Variants in CDCA7L observed in about 807,000 individuals in gnomAD.
The protein encoded by CDCA7L is cell division cycle-associated 7-like protein.
CDCA7L carries 44 observed loss-of-function variants against 57.4 expected under a neutral mutation model. The ratio of observed to expected loss-of-function variants is 0.77; its 90% CI spans 0.60 to 0.98. CDCA7L has a LOEUF of 0.98. Ranked by LOEUF, CDCA7L falls within the 50% of genes least tolerant of loss-of-function variation. The pLI, the probability that CDCA7L is intolerant of heterozygous loss-of-function variation, is 0.00. For missense variants in CDCA7L, 644 were observed against 580.6 expected, an observed-to-expected ratio of 1.11 and a Z score of -1.12; for synonymous variants, 236 against 202.8, an observed-to-expected ratio of 1.16 and a Z score of -1.39.
rs1184006268 is a variant in CDCA7L, at chr7:21,901,562, C to T, written c.*760G>A. ...CCCTCCTGGGCAACAGAACAAGACT[C>T]CATCTCAAAAAAAAAAAAGTACATC... is the stretch of plus-strand genomic sequence containing the variant. On this transcript the variant is annotated 3_prime_UTR_variant, in exon 10 of 10. Transcript: ENST00000406877. 9.7e-6 allele frequency: 2 copies of T among 206,928 alleles called. No homozygotes were observed. Among genetic ancestry groups the T allele is most frequent in the Non-Finnish European group, 1.9e-5 (2 of 104,850 alleles). 12.8% of individuals were successfully genotyped at this position (206,928 alleles called of 1,614,324 possible).
At chr7:21,925,956 C>A (rs1785811936) in intron 1 of CDCA7L, among the ~76,000 whole-genome samples, 1 of 152,102 alleles carries the variant, frequency 6.6e-6, no homozygotes, top group Non-Finnish European at 1.5e-5. Context: ...ATGGGAGTGA[C>A]AGCCAGACAC....
intron 1 of CDCA7L, among the ~76,000 whole-genome samples, chr7:21,927,237 T>C (rs1562632310): frequency 6.6e-6 from 1 of 152,012 alleles, no homozygotes; most frequent in Non-Finnish European, 1.5e-5. Context: ...CAAAGAAAAC[T>C]ATCCTATGCT....
At position 21,905,497 on chromosome 7, in the gene CDCA7L, A is replaced by C; in HGVS notation, c.1047+9T>G. 1.9e-6 allele frequency: 3 copies of C among 1,613,106 alleles called. No homozygotes were observed. Among genetic ancestry groups the C allele is most frequent in the Non-Finnish European group, 2.5e-6 (3 of 1,179,576 alleles). ...TCCCAATAAGAATGACAATTAATGT[A>C]TACTTTACCAGAACTTTATCATAGA... is the stretch of plus-strand genomic sequence containing the variant. On this transcript the variant is annotated intron_variant, in intron 7 of 9. Transcript: ENST00000406877.
chr7:21,908,546 T>C, intron 3 of CDCA7L, 39 bp from the exon 4 acceptor site: 2 of 1,426,936 alleles, frequency 1.4e-6, no homozygotes, highest in Non-Finnish European at 1.8e-6. Context: ...AAAGACACTG[T>C]TACAGACCCA....
chr7:21,908,633 T>C (rs1259825694), intron 3 of CDCA7L, 126 bp from the exon 4 acceptor site: 1 of 1,035,536 alleles, frequency 9.7e-7, no homozygotes, highest in East Asian at 2.7e-5. Flanking sequence ...CCCCTTCATA[T>C]TATGAGTTCC....
chr7:21,921,129 C>G lies in CDCA7L; in HGVS notation c.25-4235G>C, dbSNP rs903826440. On this transcript the variant is annotated intron_variant, in intron 1 of 9. Transcript: ENST00000406877. ...ATTGTGTTCAGCCCCACCACTGCTG[C>G]GAGCCTGTGTCTGACTAGCTAATTC... Among the ~76,000 whole-genome samples, 16 of 152,252 alleles carry G rather than the reference C, an allele frequency of 1.1e-4. No homozygotes were observed. The East Asian group carries it at 2.5e-3, about 24-fold the overall frequency.
At chr7:21,912,994 A>AAGACT (rs1281547808) in intron 2 of CDCA7L, among the ~76,000 whole-genome samples, 1 of 151,996 alleles carries the variant, frequency 6.6e-6, no homozygotes, top group Non-Finnish European at 1.5e-5. Context: ...ACACCTCATC[A>AAGACT]AGACTAGAGT....
At chr7:21,942,887 G>C (rs1786386095) in intron 1 of CDCA7L, among the ~76,000 whole-genome samples, 1 of 152,292 alleles carries the variant, frequency 6.6e-6, no homozygotes, top group South Asian at 2.1e-4. Flanking sequence ...GATCAGATGG[G>C]AGCACTTTGC....
chr7:21,944,924 A>C (rs1786470797), intron 1 of CDCA7L: 1 of 151,708 alleles, frequency 6.6e-6, no homozygotes, highest in Non-Finnish European at 1.5e-5. Flanking sequence ...GTGCTCCCAC[A>C]AGCAGAGGCG....
intron 2 of CDCA7L, among the ~76,000 whole-genome samples, chr7:21,914,340 T>A (rs114861262): frequency 3.7e-4 from 57 of 152,306 alleles, no homozygotes; most frequent in African/African-American, 1.4e-3. Context: ...CATTCAAGTA[T>A]GAGGTCTCCC....
chr7:21,938,415 C>T (rs749480340), intron 1 of CDCA7L, among the ~76,000 whole-genome samples: 5 of 151,786 alleles, frequency 3.3e-5, no homozygotes, highest in South Asian at 4.2e-4. Flanking sequence ...CTGGCAAAGA[C>T]GTGAAGAAAT....
At chr7:21,937,891 T>A (rs1199674871) in intron 1 of CDCA7L, among the ~76,000 whole-genome samples, 1 of 152,146 alleles carries the variant, frequency 6.6e-6, no homozygotes, top group Non-Finnish European at 1.5e-5. Flanking sequence ...TTGGATTAGG[T>A]TGGACCCTTA....
At position 21,902,130 on chromosome 7, in the gene CDCA7L, A is replaced by C; in HGVS notation, c.*192T>G. 1.6e-5 allele frequency: 10 copies of C among 630,126 alleles called. No individual in the cohort carries two copies. The South Asian group carries it at 2.0e-4, about 12-fold the overall frequency. The allele number at this position is 630,126 out of a possible 1,614,324, so 39.0% of individuals were successfully genotyped here. On this transcript the variant is annotated 3_prime_UTR_variant, in exon 10 of 10. Coordinates refer to ENST00000406877, the MANE Select transcript of CDCA7L (RefSeq NM_018719.5). Reference sequence around the variant, plus strand: ...CAGGTCTGTGCATACATCTATATAGATTCCTCTGCTCTGCTGTCTTCCTGA... The same window carrying C: ...CAGGTCTGTGCATACATCTATATAGCTTCCTCTGCTCTGCTGTCTTCCTGA...
rs1407680743 is a variant in CDCA7L at position 21,905,367 on chromosome 7, C to T, written c.1047+139G>A. 5.4e-6 allele frequency: 5 copies of T among 922,772 alleles called. No individual in the cohort carries two copies. In the South Asian group the frequency reaches 8.3e-5, roughly 15 times the overall value. 57.2% of individuals were successfully genotyped at this position (922,772 alleles called of 1,614,324 possible). ...CCTCCCCTTTCCCAGGTACAGCTGA[C>T]TTTTGACCCTCCAATTCAGAGCCTG... On this transcript the variant is annotated intron_variant, in intron 7 of 9. Transcript: ENST00000406877.
At position 21,908,366 on chromosome 7, in the gene CDCA7L, G is replaced by A; in HGVS notation, c.445C>T (p.Pro149Ser). ...SIGLRVAFQF[P>S]TKKLANKPDK... ...GGTTTGTTGGCCAGCTTCTTGGTGG[G>A]GAACTGAAAGGCTACTCGAAGACCA... Residue 149 changes from proline to serine, a missense_variant, in exon 4 of 10, where the codon CCC becomes TCC. Transcript: ENST00000406877. 2 of 1,610,274 alleles carry A rather than the reference G, an allele frequency of 1.2e-6. No individual in the cohort carries two copies. Among genetic ancestry groups the A allele is most frequent in the Non-Finnish European group, 1.7e-6 (2 of 1,179,072 alleles).
At chr7:21,915,834 A>T (rs1386393655) in intron 2 of CDCA7L, among the ~76,000 whole-genome samples, 2 of 151,766 alleles carry the variant, frequency 1.3e-5, no homozygotes, top group Non-Finnish European at 2.9e-5. Context: ...TCTTGGAAAG[A>T]AAGAAAATAA....
At chr7:21,902,483 C>CAAT in intron 9 of CDCA7L, 131 bp from the exon 10 acceptor site, 2 of 850,632 alleles carry the variant, frequency 2.4e-6, no homozygotes, top group Non-Finnish European at 4.0e-6. Flanking sequence ...GAAATCCTGA[C>CAAT]AATTTATGCA....
chr7:21,941,901 C>G (rs972510038), intron 1 of CDCA7L, among the ~76,000 whole-genome samples: 1 of 152,162 alleles, frequency 6.6e-6, no homozygotes, highest in Non-Finnish European at 1.5e-5. Context: ...AAAAGGATGG[C>G]TCTTAAGGTC....
intron 1 of CDCA7L, among the ~76,000 whole-genome samples, chr7:21,922,870 G>A (rs1562630342): frequency 1.3e-5 from 2 of 152,126 alleles, no homozygotes; most frequent in Non-Finnish European, 2.9e-5. Flanking sequence ...GCCACAACAT[G>A]GATGAACTTT....
Sources: gnomAD v4.1 joint callset for allele counts (sites outside exome capture counted in the v4.1 genomes callset) on GRCh38, gnomAD v4.1.1 for gene constraint, MANE v1.5 for transcripts, NCBI Gene and HGNC (gene_info 2026-07-23, HGNC 2026-07-21) for gene names.